AASS: variants seen among roughly 807,000 people sequenced by gnomAD.
The protein encoded by AASS is aminoadipate-semialdehyde synthase.
In AASS, 86 loss-of-function variants were observed where a neutral mutation model predicts 105.4. The observed-to-expected ratio is 0.82, with a 90% CI of 0.69 to 0.98. The LOEUF is 0.98. AASS is among the 50% of genes least tolerant of loss of function. AASS has a pLI of 0.00. For synonymous variants in AASS, 381 were observed against 394.8 expected (o/e 0.96, Z 0.41); for missense variants, 1,048 against 1,143.2 (o/e 0.92, Z 1.20).
At chr7:122,135,772 T>C (rs1796114459) in intron 1 of AASS, among the ~76,000 whole-genome samples, 1 of 152,182 alleles carries the variant, frequency 6.6e-6, no homozygotes, top group East Asian at 1.9e-4. Flanking sequence ...GGAGGAAGCG[T>C]AGAATACGGT....
At chr7:122,105,251 G>T (rs1252458101) in intron 11 of AASS, among the ~76,000 whole-genome samples, 1 of 151,624 alleles carries the variant, frequency 6.6e-6, no homozygotes, top group African/African-American at 2.4e-5. Context: ...CAACATGAAG[G>T]TAAAAAATAG....
chr7:122,119,478 T>C (rs1269615919), intron 4 of AASS, among the ~76,000 whole-genome samples: 1 of 152,146 alleles, frequency 6.6e-6, no homozygotes. Flanking sequence ...AAATTCAGCA[T>C]CCCTGCAGCA....
chr7:122,133,612 T>C lies in AASS; in HGVS notation c.115A>G (p.Arg39Gly), dbSNP rs1796009164. The change falls in exon 2 of 24, where the codon AGG becomes GGG. Residue 39 changes from arginine (R) to glycine (G), a missense_variant. Transcript: ENST00000417368. ...RREDVNAWER[R>G]APLAPKHIKG... ...ATGTGCTTGGGAGCTAGCGGGGCCCTTCTCTCCCAGGCGTTCACATCCTCC... is the reference window on the plus strand; with the variant it reads ...ATGTGCTTGGGAGCTAGCGGGGCCCCTCTCTCCCAGGCGTTCACATCCTCC... The C allele has an allele frequency of 3.7e-6, 6 of 1,614,184 alleles. No homozygotes were observed. The highest frequency in any genetic ancestry group is 5.1e-6 in the Non-Finnish European group (6 of 1,180,038).
rs1795808618 is a variant in AASS at position 122,129,473 on chromosome 7, A to C, written c.275T>G (p.Val92Gly). Residue 92 changes from valine to glycine, a missense_variant, in exon 3 of 24, where the codon GTT (valine) becomes GGT (glycine). Physicochemically the swap from Val to Gly is moderately radical, Grantham distance 109 (BLOSUM62 -3). Coordinates refer to ENST00000417368, the MANE Select transcript of AASS (RefSeq NM_005763.4). The part of the protein sequence containing the change: ...DISEACLILG[V>G]KRPPEEKLMS... ...TAATTTTTCCTCTGGAGGTCTTTTA[A>C]CTCCTAAAATTAGACAAGCTTCAGA... The C allele has an allele frequency of 6.2e-7, 1 of 1,613,482 alleles. No individual in the cohort carries two copies. Among genetic ancestry groups the C allele is most frequent in the African/African-American group, 1.3e-5 (1 of 74,880 alleles).
intron 17 of AASS, 151 bp downstream of exon 17, chr7:122,092,692 C>G (rs1793962642): frequency 1.4e-6 from 1 of 701,962 alleles, no homozygotes; most frequent in South Asian, 1.6e-5. Flanking sequence ...CCGTTGCACT[C>G]CAGCCTGGGC....
intron 11 of AASS, among the ~76,000 whole-genome samples, chr7:122,104,633 G>A (rs1794582515): frequency 6.6e-6 from 1 of 152,056 alleles, no homozygotes; most frequent in Non-Finnish European, 1.5e-5. Context: ...CAGCAATCTG[G>A]ATGCAGATGA....
intron 4 of AASS, among the ~76,000 whole-genome samples, chr7:122,123,960 C>T (rs1466770291): frequency 6.6e-6 from 1 of 152,218 alleles, no homozygotes; most frequent in Non-Finnish European, 1.5e-5. Context: ...ACCTGCATGT[C>T]ATCTTTAAAG....
intron 20 of AASS, among the ~76,000 whole-genome samples, chr7:122,080,889 G>A (rs1793283828): frequency 1.3e-5 from 2 of 152,132 alleles, no homozygotes; most frequent in Non-Finnish European, 2.9e-5. Flanking sequence ...CTGGAATACA[G>A]GCACACTAGT....
chr7:122,142,844 G>A (rs756381218), intron 1 of AASS, among the ~76,000 whole-genome samples: 12 of 152,104 alleles, frequency 7.9e-5, no homozygotes, highest in Non-Finnish European at 1.6e-4. Context: ...CCAAAATTCC[G>A]AACCAAGGTC....
intron 10 of AASS, 23 bp from the exon 11 acceptor site, chr7:122,113,252 T>C: frequency 6.3e-7 from 1 of 1,589,970 alleles, no homozygotes; most frequent in Non-Finnish European, 8.6e-7. Context: ...ATGTGGTTTA[T>C]TCAGAAGCAC....
chr7:122,105,401 T>TCAG (rs1794623729), intron 11 of AASS, among the ~76,000 whole-genome samples: 1 of 152,054 alleles, frequency 6.6e-6, no homozygotes, highest in Non-Finnish European at 1.5e-5. Flanking sequence ...ATATAGAACT[T>TCAG]TTTATCCAGT....
chr7:122,081,769 C>T (rs1584809045), intron 19 of AASS, 174 bp from the exon 20 acceptor site: 1 of 600,916 alleles, frequency 1.7e-6, no homozygotes, highest in Non-Finnish European at 2.9e-6. Flanking sequence ...CCTGTCTTTA[C>T]TAGAAACCCC....
chr7:122,115,252 T>C (rs914641200), intron 8 of AASS, 30 bp from the exon 9 acceptor site: 3 of 1,613,242 alleles, frequency 1.9e-6, no homozygotes, highest in East Asian at 4.5e-5. Context: ...TTCAAGAAAA[T>C]AGAAAATAGC....
chr7:122,113,201 A>G lies in AASS; in HGVS notation c.1195T>C (p.Ser399Pro). The change falls in exon 11 of 24, where the codon TCC (serine) becomes CCC (proline). Residue 399 changes from serine (S) to proline (P), a missense_variant. Physicochemically the swap from Ser to Pro is moderately conservative, Grantham distance 74. Coordinates refer to ENST00000417368, the MANE Select transcript of AASS (RefSeq NM_005763.4). ...AGCTGTGCCGGCAAATTGTCAATGG[A>G]ACACATCAGGATCCCCGAGCCTTCA... The part of the protein sequence containing the change: ...SVEGSGILMC[S>P]IDNLPAQLPI... 6.2e-7 allele frequency: 1 copy of G among 1,614,056 alleles called. No homozygotes were observed. Among genetic ancestry groups the G allele is most frequent in the Non-Finnish European group, 8.5e-7 (1 of 1,179,960 alleles).
chr7:122,081,602 CAAG>C lies in AASS; in HGVS notation c.2185-10_2185-8del, dbSNP rs1317413051. ...TCAAAGCTTTCATATATCCCTGAAA[CAAG>C]AATTAATAAGCAGTATATAAAATTT... On this transcript the variant is annotated splice_polypyrimidine_tract_variant and splice_region_variant and intron_variant, in intron 19 of 23. Transcript: ENST00000417368. 7 of 1,593,420 alleles carry C rather than the reference CAAG, an allele frequency of 4.4e-6. No individual in the cohort carries two copies. The highest frequency in any genetic ancestry group is 6.0e-6 in the Non-Finnish European group (7 of 1,161,464).
intron 1 of AASS, among the ~76,000 whole-genome samples, chr7:122,143,076 A>T (rs1218565357): frequency 6.6e-6 from 1 of 152,142 alleles, no homozygotes; most frequent in Non-Finnish European, 1.5e-5. Context: ...ACTCATCTTC[A>T]TGGGAAAAAA....
intron 8 of AASS, among the ~76,000 whole-genome samples, chr7:122,115,724 A>G (rs897087043): frequency 6.6e-6 from 1 of 152,204 alleles, no homozygotes; most frequent in Non-Finnish European, 1.5e-5. Context: ...ACATGCATAC[A>G]TGGCAACTAG....
intron 22 of AASS, 108 bp downstream of exon 22, chr7:122,078,754 A>G: frequency 9.7e-7 from 1 of 1,026,994 alleles, no homozygotes; most frequent in Admixed American, 1.7e-5. Context: ...TTCATATCAC[A>G]TCTTCCCATT....
In AASS at chr7:122,126,421, A is replaced by G. The variant is rs377568164; in HGVS notation, c.426T>C (p.His142=). The G allele has an allele frequency of 1.5e-5, 24 of 1,613,872 alleles. No homozygotes were observed. The African/African-American group carries it at 2.7e-4, about 18-fold the overall frequency. The change falls in exon 4 of 24, where the codon CAT becomes CAC. Residue 142 remains histidine (H), a synonymous_variant. Transcript: ENST00000417368. Reference sequence around the variant, plus strand: ...CAAATGCCACTACCCGTACTCCTCTATGATCCACCATTTTCTCATAATCAA... The same window carrying G: ...CAAATGCCACTACCCGTACTCCTCTGTGATCCACCATTTTCTCATAATCAA... ...RLIDYEKMVD[H]RGVRVVAFGQ...
Sources: allele counts gnomAD v4.1 joint callset (sites outside exome capture counted in the v4.1 genomes callset), GRCh38; gene constraint gnomAD v4.1.1; transcripts MANE v1.5; gene names NCBI Gene and HGNC (gene_info 2026-07-23, HGNC 2026-07-21).